Variants in ANKRD44 observed in about 807,000 individuals in gnomAD.
ANKRD44 encodes ankyrin repeat domain 44.
ANKRD44 carries 35 observed loss-of-function variants against 116.0 expected under a neutral mutation model. That is an observed-to-expected ratio of 0.30 (90% CI 0.23 to 0.40). The LOEUF is 0.40. Ranked by LOEUF, ANKRD44 falls within the 10% of genes least tolerant of loss-of-function variation. The pLI is 1.00. For synonymous variants in ANKRD44, 435 were observed against 461.8 expected, an observed-to-expected ratio of 0.94 and a Z score of 0.74; for missense variants, 1,014 against 1,242.6, an observed-to-expected ratio of 0.82 and a Z score of 2.77.
chr2:197,103,951 T>C (rs368898766), intron 9 of ANKRD44, among the ~76,000 whole-genome samples: 20 of 152,318 alleles, frequency 1.3e-4, no homozygotes, highest in African/African-American at 4.8e-4. Context: ...ATTAATCTTT[T>C]TCATTAATAT....
At chr2:197,029,136 C>A (rs1029758092) in intron 16 of ANKRD44, 8 of 181,794 alleles carry the variant, frequency 4.4e-5, no homozygotes, top group African/African-American at 1.7e-4. Flanking sequence ...CCCTTCCCCC[C>A]ACCCCACAAC....
chr2:197,206,783 T>C (rs1477458514), intron 1 of ANKRD44, among the ~76,000 whole-genome samples: 2 of 152,170 alleles, frequency 1.3e-5, no homozygotes, highest in East Asian at 3.8e-4. Flanking sequence ...AGGGAAAGGA[T>C]GTACAGGACT....
At chr2:197,076,114 T>C (rs2125115123) in intron 16 of ANKRD44, among the ~76,000 whole-genome samples, 1 of 152,268 alleles carries the variant, frequency 6.6e-6, no homozygotes, top group East Asian at 1.9e-4. Context: ...TAGGCTGGGA[T>C]GGTGGAGTCA....
intron 1 of ANKRD44, among the ~76,000 whole-genome samples, chr2:197,250,693 A>G (rs749356439): frequency 1.3e-5 from 2 of 152,188 alleles, no homozygotes; most frequent in Non-Finnish European, 2.9e-5. Context: ...TATTATCTCT[A>G]TTTCTCAGAT....
Position 197,090,049 on chromosome 2 carries a change from CAG to C in ANKRD44, c.1101-19_1101-18del, listed in dbSNP as rs755068694. 4.4e-6 allele frequency: 7 copies of C among 1,594,438 alleles called. No individual in the cohort carries two copies. Among genetic ancestry groups the C allele is most frequent in the South Asian group, 1.1e-5 (1 of 90,608 alleles). ...ATTCCACACCTGAGGAGTAAGAAAACAGAGCAACTCACGGCAACAGATCTCAA... is the reference window on the plus strand; with the variant it reads ...ATTCCACACCTGAGGAGTAAGAAAACAGCAACTCACGGCAACAGATCTCAA... On this transcript the variant is annotated intron_variant, in intron 10 of 27. Coordinates refer to ENST00000282272, the MANE Select transcript of ANKRD44 (RefSeq NM_001195144.2).
rs973833913 is a variant in ANKRD44, at chr2:197,018,182, T to C, written c.1723-4470A>G. Among the ~76,000 whole-genome samples, 6 of 152,332 alleles carry C rather than the reference T, an allele frequency of 3.9e-5. No homozygotes were observed. The South Asian group carries it at 1.2e-3, about 32-fold the overall frequency. The stretch of plus-strand genomic sequence containing the variant: ...CTGCAATCTGTTATTAATGCAACCA[T>C]TGGGTGAAATCTTTTAAACTCGAGT... On this transcript the variant is annotated intron_variant, in intron 17 of 27. Transcript: ENST00000282272.
intron 1 of ANKRD44, among the ~76,000 whole-genome samples, chr2:197,270,070 T>A (rs951485959): frequency 1.3e-5 from 2 of 152,150 alleles, no homozygotes; most frequent in African/African-American, 2.4e-5. Context: ...CTCCCAGTCA[T>A]GACAACAGCT....
chr2:197,114,264 A>C (rs1404103899), intron 8 of ANKRD44, among the ~76,000 whole-genome samples: 1 of 152,152 alleles, frequency 6.6e-6, no homozygotes, highest in African/African-American at 2.4e-5. Flanking sequence ...CTTTTATGAA[A>C]ATTTTTTTCT....
chr2:197,159,064 A>C (rs2079893492), intron 2 of ANKRD44, among the ~76,000 whole-genome samples: 1 of 152,194 alleles, frequency 6.6e-6, no homozygotes, highest in Non-Finnish European at 1.5e-5. Context: ...CTGTGCAATG[A>C]AAGGAGATGC....
At chr2:196,989,862 T>C (rs2125873789) in intron 27 of ANKRD44, 1 of 1,228,712 alleles carries the variant, frequency 8.1e-7, no homozygotes, top group Middle Eastern at 3.2e-4. Context: ...CTGATGTTTT[T>C]TAAAAGTTAG....
chr2:197,216,888 A>ACACG, intron 1 of ANKRD44, among the ~76,000 whole-genome samples: 1 of 151,090 alleles, frequency 6.6e-6, no homozygotes, highest in East Asian at 1.9e-4. Context: ...ACACACACAC[A>ACACG]CACACACACA....
At chr2:197,297,198 A>C (rs2105897153) in intron 1 of ANKRD44, among the ~76,000 whole-genome samples, 1 of 152,344 alleles carries the variant, frequency 6.6e-6, no homozygotes, top group South Asian at 2.1e-4. Context: ...TGATTTGATA[A>C]AACCAAAATG....
At chr2:197,154,203 G>A (rs1359460210) in intron 2 of ANKRD44, among the ~76,000 whole-genome samples, 1 of 127,758 alleles carries the variant, frequency 7.8e-6, no homozygotes, top group Non-Finnish European at 1.6e-5. Context: ...TTTTTGAGAC[G>A]GAGTCTCGCT....
At chr2:197,213,853 A>T (rs762665535) in intron 1 of ANKRD44, among the ~76,000 whole-genome samples, 1 of 152,222 alleles carries the variant, frequency 6.6e-6, no homozygotes, top group Non-Finnish European at 1.5e-5. Flanking sequence ...TTAAAAAGGT[A>T]CATACAGCAA....
intron 1 of ANKRD44, among the ~76,000 whole-genome samples, chr2:197,280,199 G>A (rs6760318): frequency 0.66 from 100,526 of 151,382 alleles, 33,726 homozygotes; most frequent in African/African-American, 0.74. Flanking sequence ...TAAGCCCCCC[G>A]GGGCCATGTG....
At chr2:197,307,551 G>GA (rs3060107) in intron 1 of ANKRD44, among the ~76,000 whole-genome samples, 79,024 of 133,800 alleles carry the variant, frequency 0.59, 23,339 homozygotes, top group Middle Eastern at 0.75. Context: ...TTTTTACAGT[G>GA]AAAAAAAAAA....
intron 20 of ANKRD44, among the ~76,000 whole-genome samples, chr2:197,006,789 C>T (rs1171397854): frequency 6.6e-6 from 1 of 152,146 alleles, no homozygotes; most frequent in Admixed American, 6.6e-5. Flanking sequence ...CTTGTGTTTA[C>T]TTAGTTTATT....
chr2:197,249,852 T>A (rs2082277717), intron 1 of ANKRD44, among the ~76,000 whole-genome samples: 1 of 152,180 alleles, frequency 6.6e-6, no homozygotes, highest in African/African-American at 2.4e-5. Flanking sequence ...AAGATTAAAA[T>A]TTAAAAGCAT....
intron 4 of ANKRD44, among the ~76,000 whole-genome samples, chr2:197,128,734 C>A (rs1222615064): frequency 6.6e-6 from 1 of 152,122 alleles, no homozygotes; most frequent in African/African-American, 2.4e-5. Flanking sequence ...CTGAATGGCA[C>A]TGCCTAGATT....
Sources: gnomAD v4.1 joint callset for allele counts (sites outside exome capture counted in the v4.1 genomes callset) on GRCh38, gnomAD v4.1.1 for gene constraint, MANE v1.5 for transcripts, NCBI Gene and HGNC (gene_info 2026-07-23, HGNC 2026-07-21) for gene names.